The following STK32C variants were observed in gnomAD, a reference collection of about 807,000 sequenced individuals.
STK32C encodes the protein serine/threonine kinase 32C.
Under a neutral mutation model 56.5 loss-of-function variants are expected in STK32C, and 31 were observed. The observed-to-expected ratio is 0.55, with a 90% CI of 0.41 to 0.74. STK32C has a LOEUF of 0.74. Among genes scored for constraint, STK32C ranks in the 30% least tolerant of loss-of-function variants. STK32C has a pLI of 0.00. For synonymous variants in STK32C, 309 were observed against 289.4 expected (o/e 1.07, Z -0.69); for missense variants, 544 against 676.9 (o/e 0.80, Z 2.18).
At chr10:132,227,508 G>C (rs1005407269) in intron 3 of STK32C, among the ~76,000 whole-genome samples, 2 of 150,732 alleles carry the variant, frequency 1.3e-5, no homozygotes, top group Non-Finnish European at 1.5e-5. Flanking sequence ...TTGTGGTCGT[G>C]GTGGTGGTGG....
At chr10:132,211,738 T>C (rs1000290184) in intron 10 of STK32C, among the ~76,000 whole-genome samples, 1 of 152,178 alleles carries the variant, frequency 6.6e-6, no homozygotes, top group Non-Finnish European at 1.5e-5. Flanking sequence ...CGCCCATGAC[T>C]GACTGGTGTG....
At chr10:132,239,335 G>A (rs755238311) in intron 2 of STK32C, among the ~76,000 whole-genome samples, 15 of 152,214 alleles carry the variant, frequency 9.9e-5, no homozygotes, top group East Asian at 1.9e-4. Flanking sequence ...ACCAGCAAAC[G>A]GTCCTCCCCA....
intron 1 of STK32C, among the ~76,000 whole-genome samples, chr10:132,267,508 CGTGTGT>C (rs71472734): frequency 1.4e-5 from 2 of 147,364 alleles, no homozygotes; most frequent in Non-Finnish European, 3.0e-5. Context: ...TGTCCCACAT[CGTGTGT>C]GTGTCAGTGT....
chr10:132,292,032 T>TCC (rs1427645384), intron 1 of STK32C, among the ~76,000 whole-genome samples: 1 of 152,038 alleles, frequency 6.6e-6, no homozygotes, highest in Non-Finnish European at 1.5e-5. Context: ...CCTGGAGGCT[T>TCC]CCCCTGCAGG....
chr10:132,301,230 C>T (rs915723261), intron 1 of STK32C, among the ~76,000 whole-genome samples: 9 of 150,884 alleles, frequency 6.0e-5, no homozygotes, highest in African/African-American at 2.2e-4. Context: ...CTAACGTGAA[C>T]CCAGATTCAG....
intron 1 of STK32C, among the ~76,000 whole-genome samples, chr10:132,270,033 G>A (rs2064765596): frequency 6.6e-6 from 1 of 152,232 alleles, no homozygotes; most frequent in Admixed American, 6.5e-5. Context: ...GCTGATGCCT[G>A]GTACTGCTGT....
At chr10:132,276,185 G>A (rs977671769) in intron 1 of STK32C, among the ~76,000 whole-genome samples, 2 of 152,188 alleles carry the variant, frequency 1.3e-5, no homozygotes, top group Non-Finnish European at 2.9e-5. Flanking sequence ...GACCCACAGC[G>A]AAACACAGAA....
chr10:132,289,600 TA>T (rs1157015083), intron 1 of STK32C, among the ~76,000 whole-genome samples: 1 of 152,160 alleles, frequency 6.6e-6, no homozygotes, highest in African/African-American at 2.4e-5. Context: ...CTTACAGCTG[TA>T]AAGGCTGGGA....
chr10:132,314,647 C>A (rs1000316617), intron 1 of STK32C, among the ~76,000 whole-genome samples: 1 of 151,796 alleles, frequency 6.6e-6, no homozygotes, highest in African/African-American at 2.4e-5. Context: ...AACCTAAACA[C>A]TAAAAAAGAA....
chr10:132,283,044 C>T (rs533215348), intron 1 of STK32C, among the ~76,000 whole-genome samples: 2 of 152,364 alleles, frequency 1.3e-5, no homozygotes, highest in South Asian at 4.1e-4. Flanking sequence ...AGGCGGACCC[C>T]ACTCCATGCA....
intron 1 of STK32C, among the ~76,000 whole-genome samples, chr10:132,262,140 C>T (rs557318853): frequency 4.6e-5 from 7 of 152,224 alleles, no homozygotes; most frequent in African/African-American, 1.7e-4. Flanking sequence ...ATTAAGGCTG[C>T]ACACCTACAA....
At chr10:132,227,897 C>T in intron 3 of STK32C, 80 bp downstream of exon 3, 1 of 1,545,504 alleles carries the variant, frequency 6.5e-7, no homozygotes, top group Non-Finnish European at 8.7e-7. Flanking sequence ...CAAGGAGCAC[C>T]AAGGGCAGGA....
intron 1 of STK32C, among the ~76,000 whole-genome samples, chr10:132,318,381 C>T (rs184968006): frequency 2.6e-5 from 4 of 151,874 alleles, no homozygotes; most frequent in Admixed American, 6.6e-5. Flanking sequence ...CTTGGGAGGC[C>T]GAGGCGGGCA....
intron 1 of STK32C, among the ~76,000 whole-genome samples, chr10:132,327,243 A>G (rs1383564051): frequency 1.3e-5 from 2 of 152,178 alleles, no homozygotes; most frequent in African/African-American, 4.8e-5. Context: ...GTTCCCCTGC[A>G]CAAGCTTTCT....
intron 1 of STK32C, among the ~76,000 whole-genome samples, chr10:132,292,552 T>A (rs1202145182): frequency 6.6e-6 from 1 of 152,178 alleles, no homozygotes; most frequent in Non-Finnish European, 1.5e-5. Context: ...CACACTCACA[T>A]GCTCATGCAC....
At chr10:132,324,020 G>A (rs1392348805), downstream of STK32C, 2 of 562,074 alleles carry the variant, frequency 3.6e-6, no homozygotes, top group Non-Finnish European at 3.2e-6. Flanking sequence ...CTAAAGAGCA[G>A]CATTAATCTC....
chr10:132,297,509 T>A (rs2065788339), intron 1 of STK32C, among the ~76,000 whole-genome samples: 1 of 152,146 alleles, frequency 6.6e-6, no homozygotes, highest in African/African-American at 2.4e-5. Flanking sequence ...TCAGAACAGA[T>A]TTTTTTTCCT....
At chr10:132,242,223 C>T (rs2063527249) in intron 2 of STK32C, among the ~76,000 whole-genome samples, 1 of 152,084 alleles carries the variant, frequency 6.6e-6, no homozygotes, top group Non-Finnish European at 1.5e-5. Context: ...GTATGGGGGC[C>T]AGGGGCTGGT....
intron 1 of STK32C, among the ~76,000 whole-genome samples, chr10:132,300,988 C>G (rs1046079279): frequency 6.6e-6 from 1 of 152,160 alleles, no homozygotes; most frequent in Non-Finnish European, 1.5e-5. Context: ...GGAGGAAAAT[C>G]TGGCTGGGAA....
Sources: allele counts gnomAD v4.1 joint callset (sites outside exome capture counted in the v4.1 genomes callset), GRCh38; gene constraint gnomAD v4.1.1; transcripts MANE v1.5; gene names NCBI Gene and HGNC (gene_info 2026-07-23, HGNC 2026-07-21).